Variants in FDFT1 observed in about 807,000 individuals in gnomAD.
FDFT1 encodes squalene synthase.
Under a neutral mutation model 46.8 loss-of-function variants are expected in FDFT1, and 68 were observed. That is an observed-to-expected ratio of 1.45 (90% CI 1.19 to 1.78). The LOEUF is 1.78. Ranked by LOEUF, FDFT1 falls within the 40% of genes most tolerant of loss-of-function variation. FDFT1 has a pLI of 0.00. For synonymous variants in FDFT1, 351 were observed against 185.1 expected (o/e 1.90, Z -7.28); for missense variants, 928 against 524.4 (o/e 1.77, Z -7.52).
chr8:11,810,270 C>T (rs1171369523), intron 3 of FDFT1, among the ~76,000 whole-genome samples: 1 of 152,194 alleles, frequency 6.6e-6, no homozygotes. Flanking sequence ...GATTCTCAGG[C>T]TAGCTCACAA....
At chr8:11,797,683 G>C (rs563860382), upstream of FDFT1, among the ~76,000 whole-genome samples, 35 of 151,870 alleles carry the variant, frequency 2.3e-4, 1 homozygote, top group South Asian at 7.3e-3. Context: ...AAAAACGGTG[G>C]GGGAGGGGAA....
At chr8:11,834,212 T>G (rs1811235937) in intron 7 of FDFT1, among the ~76,000 whole-genome samples, 1 of 152,188 alleles carries the variant, frequency 6.6e-6, no homozygotes, top group South Asian at 2.1e-4. Context: ...CAGTGCTTAG[T>G]GGGGGCTTGG....
chr8:11,805,694 C>G (rs866837781), intron 1 of FDFT1, among the ~76,000 whole-genome samples: 4 of 152,192 alleles, frequency 2.6e-5, no homozygotes, highest in East Asian at 1.9e-4. Flanking sequence ...GGCAGCAAAA[C>G]CTGACTTGAA....
chr8:11,823,389 T>A (rs996525588), intron 4 of FDFT1, among the ~76,000 whole-genome samples: 14 of 152,212 alleles, frequency 9.2e-5, no homozygotes, highest in African/African-American at 2.4e-4. Flanking sequence ...AATTTTTTTT[T>A]AAATTTCTAG....
intron 3 of FDFT1, among the ~76,000 whole-genome samples, chr8:11,818,716 C>T (rs1211402222): frequency 6.6e-6 from 1 of 151,830 alleles, no homozygotes; most frequent in African/African-American, 2.4e-5. Flanking sequence ...GTAGATCTTC[C>T]TCCAGCTGTT....
chr8:11,808,635 TTGCCTCC>T (rs1488514768), intron 1 of FDFT1, 152 bp from the exon 2 acceptor site: 3 of 1,397,090 alleles, frequency 2.1e-6, no homozygotes, highest in Non-Finnish European at 2.8e-6. Context: ...GGGCTGCTGC[TTGCCTCC>T]TGCCGCCTGG....
At chr8:11,830,202 A>T in intron 5 of FDFT1, 42 bp from the exon 6 acceptor site, 1 of 1,467,862 alleles carries the variant, frequency 6.8e-7, no homozygotes, top group South Asian at 1.1e-5. Flanking sequence ...ATTCTCCCCT[A>T]TGCACACGCT....
At chr8:11,832,790 T>G (rs767136014) in intron 7 of FDFT1, among the ~76,000 whole-genome samples, 1 of 151,994 alleles carries the variant, frequency 6.6e-6, no homozygotes, top group Non-Finnish European at 1.5e-5. Flanking sequence ...TGTGATCCTG[T>G]TGAGAATGAA....
At chr8:11,820,105 C>T (rs1304511321) in intron 3 of FDFT1, among the ~76,000 whole-genome samples, 1 of 152,170 alleles carries the variant, frequency 6.6e-6, no homozygotes, top group African/African-American at 2.4e-5. Flanking sequence ...GGCCCGTCAG[C>T]TGCAGGTCTG....
chr8:11,797,931 A>C (rs1358692189), upstream of FDFT1: 1 of 152,266 alleles, frequency 6.6e-6, no homozygotes, highest in Non-Finnish European at 1.5e-5. Context: ...AGGAGGCTGA[A>C]ATCCCAACAA....
At chr8:11,835,178 C>G (rs1264492073) in intron 7 of FDFT1, among the ~76,000 whole-genome samples, 1 of 152,274 alleles carries the variant, frequency 6.6e-6, no homozygotes, top group Middle Eastern at 3.4e-3. Context: ...GATGAAAAGT[C>G]GGCTATGACC....
upstream of FDFT1, among the ~76,000 whole-genome samples, chr8:11,800,063 C>T (rs1344244650): frequency 2.0e-5 from 3 of 151,048 alleles, no homozygotes; most frequent in East Asian, 1.9e-4. Context: ...AGTTCAAGAC[C>T]AGTCTGGCCA....
At chr8:11,808,159 A>T in intron 1 of FDFT1, 3 of 688,262 alleles carry the variant, frequency 4.4e-6, no homozygotes, top group East Asian at 8.2e-5. Context: ...AAACTGGGCG[A>T]TGCAAAGACA....
intron 1 of FDFT1, 132 bp downstream of exon 1, chr8:11,803,063 C>A: frequency 6.9e-7 from 1 of 1,453,442 alleles, no homozygotes; most frequent in Non-Finnish European, 9.0e-7. Flanking sequence ...TGTTCCCGTC[C>A]CCCTTTCCTC....
At chr8:11,820,299 G>T (rs1273321656) in intron 3 of FDFT1, among the ~76,000 whole-genome samples, 1 of 152,174 alleles carries the variant, frequency 6.6e-6, no homozygotes, top group African/African-American at 2.4e-5. Flanking sequence ...GGCTACATGG[G>T]GCTCAGGGAC....
chr8:11,807,606 AATAC>A, intron 1 of FDFT1, among the ~76,000 whole-genome samples: 1 of 152,246 alleles, frequency 6.6e-6, no homozygotes, highest in African/African-American at 2.4e-5. Flanking sequence ...TCCATGAAAA[AATAC>A]ATAGTACAAA....
chr8:11,826,586 G>T (rs1413265134), intron 5 of FDFT1, among the ~76,000 whole-genome samples: 2 of 152,154 alleles, frequency 1.3e-5, no homozygotes, highest in East Asian at 1.9e-4. Context: ...GGCCAAGGTG[G>T]GCGGATCACC....
chr8:11,799,752 C>G (rs1286462758), upstream of FDFT1, among the ~76,000 whole-genome samples: 1 of 151,692 alleles, frequency 6.6e-6, no homozygotes, highest in Admixed American at 6.6e-5. Flanking sequence ...TTGAGACCAT[C>G]CTAACCAACA....
At chr8:11,810,435 C>A (rs568669487) in intron 3 of FDFT1, among the ~76,000 whole-genome samples, 1 of 152,204 alleles carries the variant, frequency 6.6e-6, no homozygotes, top group South Asian at 2.1e-4. Flanking sequence ...GCCACTTCAC[C>A]TGTGATCCTG....
Sources: gnomAD v4.1 joint callset for allele counts (sites outside exome capture counted in the v4.1 genomes callset) on GRCh38, gnomAD v4.1.1 for gene constraint, MANE v1.5 for transcripts, NCBI Gene and HGNC (gene_info 2026-07-23, HGNC 2026-07-21) for gene names.